Variants in C10orf90 observed in about 807,000 individuals in gnomAD.
The protein encoded by C10orf90 is (E2-independent) E3 ubiquitin-conjugating enzyme FATS.
Under a neutral mutation model 62.5 loss-of-function variants are expected in C10orf90, and 56 were observed. That is an observed-to-expected ratio of 0.90 (90% confidence interval 0.72 to 1.12). The LOEUF (loss-of-function observed/expected upper bound fraction) is 1.12, where lower values mean the gene tolerates loss of function less well. Among genes scored for constraint, C10orf90 ranks in the 50% most tolerant of loss-of-function variants. The pLI is 0.00. For missense variants in C10orf90, 970 were observed against 880.4 expected (o/e 1.10, Z -1.29); for synonymous variants, 386 against 340.4 (o/e 1.13, Z -1.47).
At chr10:126,439,283 A>G (rs1226826437) in intron 7 of C10orf90, among the ~76,000 whole-genome samples, 3 of 152,038 alleles carry the variant, frequency 2.0e-5, no homozygotes, top group Non-Finnish European at 4.4e-5. Context: ...ACTCCACCCA[A>G]TGTTCTCACA....
chr10:126,524,311 A>T (rs1863867971), intron 2 of C10orf90, among the ~76,000 whole-genome samples: 1 of 152,180 alleles, frequency 6.6e-6, no homozygotes, highest in Non-Finnish European at 1.5e-5. Context: ...ACCATGATGG[A>T]TATAAGCAGT....
rs1219311719 is a variant in C10orf90 at position 126,557,146 on chromosome 10, G to A, written c.314-43207C>T. Among the ~76,000 whole-genome samples the A allele has an allele frequency of 3.3e-5, 5 of 151,968 alleles. No homozygotes were observed. In the East Asian group the frequency reaches 7.8e-4, roughly 24 times the overall value. Reference sequence around the variant, plus strand: ...CATGGAATAGTCAAGACATATGGATGTATAATGAATAACAGGTTGCCCATA... The same window carrying A: ...CATGGAATAGTCAAGACATATGGATATATAATGAATAACAGGTTGCCCATA... On this transcript the variant is annotated intron_variant, in intron 2 of 9. Transcript: ENST00000488181.
intron 4 of C10orf90, among the ~76,000 whole-genome samples, chr10:126,470,590 A>AAACAAACAAACAAACT (rs1460354212): frequency 6.6e-6 from 1 of 151,930 alleles, no homozygotes. Context: ...ACAAACAAAC[A>AAACAAACAAACAAACT]AACAAACAAA....
At chr10:126,570,142 T>A (rs1031160539) in intron 2 of C10orf90, among the ~76,000 whole-genome samples, 1 of 152,334 alleles carries the variant, frequency 6.6e-6, no homozygotes, top group Admixed American at 6.5e-5. Context: ...TCCCACGTAA[T>A]TGCAGCCCCT....
At chr10:126,649,075 C>G (rs2366861) in intron 1 of C10orf90, among the ~76,000 whole-genome samples, 1,183 of 34,662 alleles carry the variant, frequency 0.034, 62 homozygotes, top group African/African-American at 0.076. Context: ...TCTCTCTCCC[C>G]CCCCCCCAGC....
At chr10:126,473,730 GT>G (rs1412114765) in intron 4 of C10orf90, among the ~76,000 whole-genome samples, 10 of 151,918 alleles carry the variant, frequency 6.6e-5, no homozygotes, top group African/African-American at 2.4e-4. Flanking sequence ...TTAAACACAA[GT>G]CCTAATTGAT....
chr10:126,530,682 A>C lies in C10orf90; in HGVS notation c.314-16743T>G, dbSNP rs114898517. Among the ~76,000 whole-genome samples, 919 of 152,300 alleles carry C rather than the reference A, an allele frequency of 6.0e-3. 9 individuals are homozygous for C. Among genetic ancestry groups the C allele is most frequent in the African/African-American group, 0.021 (873 of 41,558 alleles). On this transcript the variant is annotated intron_variant, in intron 2 of 9. Coordinates refer to ENST00000488181, the MANE Select transcript of C10orf90 (RefSeq NM_001350921.2). Reference sequence around the variant, plus strand: ...AAGATAGAATGAGAAGGAAGAAACCAAACCGAGCCCAGGCAGCCTGCAGGC... The same window carrying C: ...AAGATAGAATGAGAAGGAAGAAACCCAACCGAGCCCAGGCAGCCTGCAGGC...
Position 126,426,280 on chromosome 10 carries a change from G to C in C10orf90, c.2253-190C>G, listed in dbSNP as rs556811922. On this transcript the variant is annotated intron_variant, in intron 8 of 9. Transcript: ENST00000488181. ...ATACCCAGAACCTGCTGCATAGCAGGGGATGGCACCTTGTCCAGTGCTACG... is the reference window on the plus strand; with the variant it reads ...ATACCCAGAACCTGCTGCATAGCAGCGGATGGCACCTTGTCCAGTGCTACG... 1.4e-4 allele frequency among the ~76,000 whole-genome samples: 21 copies of C among 152,330 alleles called. No individual in the cohort carries two copies. The East Asian group carries it at 3.7e-3, about 27-fold the overall frequency.
intron 3 of C10orf90, among the ~76,000 whole-genome samples, chr10:126,507,899 T>G (rs565209328): frequency 6.6e-6 from 1 of 152,210 alleles, no homozygotes; most frequent in South Asian, 2.1e-4. Context: ...AAAACTGAAA[T>G]GCACCTGCTG....
At chr10:126,667,967 C>A (rs1171480885) in intron 1 of C10orf90, among the ~76,000 whole-genome samples, 1 of 152,134 alleles carries the variant, frequency 6.6e-6, no homozygotes, top group African/African-American at 2.4e-5. Flanking sequence ...ACTTTCAGTG[C>A]AGCAGGCTCT....
In C10orf90 at chr10:126,544,043, G is replaced by A. The variant is rs183036320; in HGVS notation, c.314-30104C>T. On this transcript the variant is annotated intron_variant, in intron 2 of 9. Transcript: ENST00000488181. ...ATTCAGCTGCTGGAAGCACAGGTCC[G>A]GTGTTGCCAGATCTTCTCATTTTTA... 1.1e-4 allele frequency among the ~76,000 whole-genome samples: 16 copies of A among 152,286 alleles called. No homozygotes were observed. In the East Asian group the frequency reaches 2.9e-3, roughly 28 times the overall value.
chr10:126,565,426 T>TA (rs1844359337), intron 2 of C10orf90, among the ~76,000 whole-genome samples: 1 of 57,210 alleles, frequency 1.7e-5, no homozygotes, highest in Non-Finnish European at 3.1e-5. Flanking sequence ...TTATATATAT[T>TA]ATATATATTA....
intron 2 of C10orf90, among the ~76,000 whole-genome samples, chr10:126,645,267 A>C (rs1023362637): frequency 1.1e-4 from 17 of 151,572 alleles, no homozygotes; most frequent in Non-Finnish European, 1.8e-4. Context: ...ATAAAAAAAA[A>C]AAAAAAAAAA....
At chr10:126,487,643 G>A (rs569980236) in intron 4 of C10orf90, among the ~76,000 whole-genome samples, 8 of 152,138 alleles carry the variant, frequency 5.3e-5, no homozygotes, top group South Asian at 2.1e-4. Flanking sequence ...CCAAGCCATC[G>A]GAAATAATTT....
chr10:126,495,879 T>C (rs539340960), intron 4 of C10orf90, among the ~76,000 whole-genome samples: 25 of 152,330 alleles, frequency 1.6e-4, no homozygotes, highest in African/African-American at 5.5e-4. Flanking sequence ...TGGATGATAC[T>C]GAAGACTAAT....
At position 126,454,509 on chromosome 10, in the gene C10orf90, C is replaced by A. The variant is rs111697323; in HGVS notation, c.2188+4531G>T. On this transcript the variant is annotated intron_variant, in intron 7 of 9. Transcript: ENST00000488181. ...TGCCCCTACGACCTGCAGGGGCTGA[C>A]CCCGTACTGCCTATAAGCTATGGTT... Among the ~76,000 whole-genome samples, 367 of 151,422 alleles carry A rather than the reference C, an allele frequency of 2.4e-3. 1 individual carries two copies. The highest frequency in any genetic ancestry group is 8.7e-3 in the African/African-American group (357 of 41,238).
chr10:126,513,841 ATGT>A lies in C10orf90; in HGVS notation c.405+4_405+6del. ...TGACTATTCTAGAAGTTAGAAATGT[ATGT>A]TACCTTGGTGAAGTCAGATTTTGCC... On this transcript the variant is annotated splice_donor_5th_base_variant and intron_variant, in intron 3 of 9. Coordinates refer to ENST00000488181, the MANE Select transcript of C10orf90 (RefSeq NM_001350921.2). The A allele has an allele frequency of 6.4e-7, 1 of 1,574,024 alleles. No individual in the cohort carries two copies. The highest frequency in any genetic ancestry group is 8.7e-7 in the Non-Finnish European group (1 of 1,144,418).
chr10:126,454,385 A>G (rs144780087), intron 7 of C10orf90, among the ~76,000 whole-genome samples: 38 of 151,408 alleles, frequency 2.5e-4, no homozygotes, highest in African/African-American at 8.7e-4. Flanking sequence ...TGCAGGGGCT[A>G]TACCCTCTAC....
intron 1 of C10orf90, among the ~76,000 whole-genome samples, chr10:126,665,561 T>C (rs1846609339): frequency 6.6e-6 from 1 of 152,160 alleles, no homozygotes; most frequent in Non-Finnish European, 1.5e-5. Context: ...TCTGGGAGAC[T>C]TCTTCTTCCA....
Sources: gnomAD v4.1 joint callset for allele counts (sites outside exome capture counted in the v4.1 genomes callset) on GRCh38, gnomAD v4.1.1 for gene constraint, MANE v1.5 for transcripts, NCBI Gene and HGNC (gene_info 2026-07-23, HGNC 2026-07-21) for gene names.